MAGI3: variants seen among roughly 807,000 people sequenced by gnomAD.
MAGI3 encodes membrane-associated guanylate kinase, WW and PDZ domain-containing protein 3.
MAGI3 carries 43 observed loss-of-function variants against 121.8 expected under a neutral mutation model. The observed-to-expected ratio is 0.35, with a 90% CI of 0.28 to 0.46. The LOEUF (loss-of-function observed/expected upper bound fraction) is 0.46. MAGI3 is among the 20% of genes least tolerant of loss of function. The pLI, the probability that MAGI3 is intolerant of heterozygous loss-of-function variation, is 1.00. For missense variants in MAGI3, 1,547 were observed against 1,797.3 expected (o/e 0.86, Z 2.52); for synonymous variants, 553 against 639.3 (o/e 0.86, Z 2.04).
intron 12 of MAGI3, 49 bp from the exon 13 acceptor site, chr1:113,649,188 A>T: frequency 7.0e-7 from 1 of 1,425,230 alleles, no homozygotes; most frequent in Non-Finnish European, 9.7e-7. Flanking sequence ...GTTTTGTTTT[A>T]ATCCTTTTAA....
intron 1 of MAGI3, among the ~76,000 whole-genome samples, chr1:113,506,494 C>G (rs1657334486): frequency 6.6e-6 from 1 of 151,844 alleles, no homozygotes; most frequent in South Asian, 2.1e-4. Flanking sequence ...CTTTGACCCT[C>G]AATGTCGTTC....
Position 113,410,847 on chromosome 1 carries a change from G to A in MAGI3, c.316+19498G>A, listed in dbSNP as rs1651939105. On this transcript the variant is annotated intron_variant, in intron 1 of 20. Transcript: ENST00000307546. ...GGATGCCTAGTAGCTATAGGTGATT[G>A]GTTCTGTTTTGTCTCCTACACCTAA... Among the ~76,000 whole-genome samples the A allele has an allele frequency of 2.6e-5, 4 of 152,002 alleles. No homozygotes were observed. In the South Asian group the frequency reaches 6.2e-4, roughly 24 times the overall value.
intron 1 of MAGI3, among the ~76,000 whole-genome samples, chr1:113,483,338 G>A (rs1656201931): frequency 6.6e-6 from 1 of 152,112 alleles, no homozygotes; most frequent in Non-Finnish European, 1.5e-5. Context: ...CCAATATGAT[G>A]ATATCTGGGG....
Position 113,531,078 on chromosome 1 carries a change from T to A in MAGI3, c.317-18437T>A, listed in dbSNP as rs1658696870. ...GAATAATTTTGAAACATTACAAAAT[T>A]AACTTCTGAATAAATGTAACTGAGT... On this transcript the variant is annotated intron_variant, in intron 1 of 20. Transcript: ENST00000307546. Among the ~76,000 whole-genome samples, 3 of 152,242 alleles carry A rather than the reference T, an allele frequency of 2.0e-5. No individual in the cohort carries two copies. The South Asian group carries it at 6.2e-4, about 32-fold the overall frequency.
intron 9 of MAGI3, among the ~76,000 whole-genome samples, chr1:113,623,449 CACAT>C (rs1395427377): frequency 2.5e-5 from 2 of 78,532 alleles, no homozygotes; most frequent in African/African-American, 4.6e-5. Flanking sequence ...TATATACACA[CACAT>C]ACACACACAC....
intron 9 of MAGI3, among the ~76,000 whole-genome samples, chr1:113,625,525 G>A (rs1227691691): frequency 6.6e-6 from 1 of 152,156 alleles, no homozygotes; most frequent in Non-Finnish European, 1.5e-5. Context: ...AAAGGCTACT[G>A]ATTTTTGTAT....
intron 1 of MAGI3, among the ~76,000 whole-genome samples, chr1:113,427,715 A>G (rs1653082457): frequency 1.3e-5 from 2 of 152,234 alleles, no homozygotes; most frequent in African/African-American, 4.8e-5. Flanking sequence ...AGAACAAGAG[A>G]AATCAGTCTA....
chr1:113,683,860 A>ATC lies in MAGI3; in HGVS notation c.4292_4293insTC (p.Glu1431AspfsTer3). 6.2e-7 allele frequency: 1 copy of ATC among 1,612,744 alleles called. No individual in the cohort carries two copies. Among genetic ancestry groups the ATC allele is most frequent in the Non-Finnish European group, 8.5e-7 (1 of 1,179,382 alleles). ...AAAACAGAAGATCACAAAGGGAAAG[A>ATC]ACTAGAGGCAGCTGACAAAAACAAA... On this transcript the variant is annotated frameshift_variant, in exon 21 of 21. Transcript: ENST00000307546. LOFTEE classifies it low-confidence loss of function (END_TRUNC).
chr1:113,640,613 G>A (rs1217948717), intron 9 of MAGI3, among the ~76,000 whole-genome samples: 3 of 152,000 alleles, frequency 2.0e-5, no homozygotes, highest in African/African-American at 7.2e-5. Flanking sequence ...ATCATCCTCA[G>A]TAAACTAACA....
At chr1:113,455,737 A>G (rs1654718293) in intron 1 of MAGI3, among the ~76,000 whole-genome samples, 1 of 152,086 alleles carries the variant, frequency 6.6e-6, no homozygotes, top group African/African-American at 2.4e-5. Context: ...ATCTGCTCTC[A>G]TAGCTCCTTA....
intron 12 of MAGI3, among the ~76,000 whole-genome samples, chr1:113,648,386 A>G (rs1652969205): frequency 6.6e-6 from 1 of 151,562 alleles, no homozygotes; most frequent in Non-Finnish European, 1.5e-5. Flanking sequence ...AATTTTAGTC[A>G]TGAAATAGAT....
intron 1 of MAGI3, among the ~76,000 whole-genome samples, chr1:113,397,614 C>T (rs1354462988): frequency 1.3e-5 from 2 of 152,000 alleles, no homozygotes; most frequent in Non-Finnish European, 2.9e-5. Context: ...GCACAAAATC[C>T]ACATTATAGA....
At chr1:113,584,198 A>G (rs952667825) in intron 3 of MAGI3, among the ~76,000 whole-genome samples, 1 of 152,170 alleles carries the variant, frequency 6.6e-6, no homozygotes, top group Non-Finnish European at 1.5e-5. Flanking sequence ...TTACTCTCTA[A>G]TCATATATAT....
At chr1:113,584,550 A>C (rs1323560098) in intron 3 of MAGI3, among the ~76,000 whole-genome samples, 1 of 152,172 alleles carries the variant, frequency 6.6e-6, no homozygotes, top group Non-Finnish European at 1.5e-5. Context: ...CCCTTACATA[A>C]AAAGCCTACA....
chr1:113,632,498 A>G (rs1651697541), intron 9 of MAGI3, among the ~76,000 whole-genome samples: 1 of 152,224 alleles, frequency 6.6e-6, no homozygotes, highest in African/African-American at 2.4e-5. Context: ...ATATTCAAAT[A>G]AAAGCTAATT....
intron 6 of MAGI3, among the ~76,000 whole-genome samples, chr1:113,604,339 C>T (rs866536957): frequency 2.6e-5 from 4 of 151,710 alleles, no homozygotes; most frequent in Non-Finnish European, 2.9e-5. Context: ...GAGGCTGAGG[C>T]GGGCAGATCA....
Position 113,683,101 on chromosome 1 carries a change from A to G in MAGI3, c.3533A>G (p.Gln1178Arg). Reference protein sequence around the residue: ...PEKKSTLNENQPEIKHQSLLQ... With the variant: ...PEKKSTLNENRPEIKHQSLLQ... Reference sequence around the variant, plus strand: ...AAGAAAAGCACTTTAAATGAAAATCAGCCTGAGATAAAGCATCAGTCTCTT... The same window carrying G: ...AAGAAAAGCACTTTAAATGAAAATCGGCCTGAGATAAAGCATCAGTCTCTT... The change falls in exon 21 of 21, where the codon CAG becomes CGG. Residue 1178 changes from glutamine to arginine, a missense_variant. Physicochemically the swap from Gln to Arg is conservative, Grantham distance 43. Coordinates refer to ENST00000307546, the MANE Select transcript of MAGI3 (RefSeq NM_001142782.2). 1 of 1,613,412 alleles carries G rather than the reference A, an allele frequency of 6.2e-7. No homozygotes were observed. Among genetic ancestry groups the G allele is most frequent in the Admixed American group, 1.7e-5 (1 of 59,892 alleles).
In MAGI3 at chr1:113,589,315, C is replaced by T. The variant is rs552402540; in HGVS notation, c.764-1169C>T. Among the ~76,000 whole-genome samples, 312 of 152,204 alleles carry T rather than the reference C, an allele frequency of 2.0e-3. 1 individual carries two copies. Among genetic ancestry groups the T allele is most frequent in the South Asian group, 2.1e-3 (10 of 4,828 alleles). ...ATCAACTAAAGAAATGTGCTATGAT[C>T]ATCATGCATCATTAAATGCCCACAT... On this transcript the variant is annotated intron_variant, in intron 4 of 20. Coordinates refer to ENST00000307546, the MANE Select transcript of MAGI3 (RefSeq NM_001142782.2).
chr1:113,508,023 C>T (rs1425888896), intron 1 of MAGI3, among the ~76,000 whole-genome samples: 3 of 152,112 alleles, frequency 2.0e-5, no homozygotes, highest in African/African-American at 7.2e-5. Context: ...GTCAAGTTTT[C>T]CTTTTAATGG....
Sources: allele counts gnomAD v4.1 joint callset (sites outside exome capture counted in the v4.1 genomes callset), GRCh38; gene constraint gnomAD v4.1.1; transcripts MANE v1.5; gene names NCBI Gene and HGNC (gene_info 2026-07-23, HGNC 2026-07-21).